STAG1: variants seen among roughly 807,000 people sequenced by gnomAD.
The protein encoded by STAG1 is cohesin subunit SA-1.
Under a neutral mutation model 170.9 loss-of-function variants are expected in STAG1, and 26 were observed. That is an observed-to-expected ratio of 0.15 (90% CI 0.11 to 0.21). The LOEUF (loss-of-function observed/expected upper bound fraction) is 0.21. STAG1 is among the 10% of genes least tolerant of loss of function. The probability of loss-of-function intolerance (pLI) is 1.00; values close to 1 mark genes in which losing one functional copy is unlikely to be tolerated. For missense variants in STAG1, 964 were observed against 1,509.5 expected, an observed-to-expected ratio of 0.64 and a Z score of 5.99; for synonymous variants, 514 against 497.7, an observed-to-expected ratio of 1.03 and a Z score of -0.44.
At chr3:136,502,527 T>A (rs1309000564) in intron 8 of STAG1, 101 bp downstream of exon 8, 1 of 1,256,706 alleles carries the variant, frequency 8.0e-7, no homozygotes, top group East Asian at 2.4e-5. Context: ...TCTAACTAAA[T>A]ATACACATAA....
chr3:136,606,495 T>C (rs1938945835), intron 3 of STAG1, among the ~76,000 whole-genome samples: 1 of 152,174 alleles, frequency 6.6e-6, no homozygotes, highest in Non-Finnish European at 1.5e-5. Context: ...GCCTGATTTT[T>C]CTTACTTCTT....
chr3:136,665,164 C>T (rs1941713455), intron 1 of STAG1, among the ~76,000 whole-genome samples: 1 of 152,108 alleles, frequency 6.6e-6, no homozygotes, highest in African/African-American at 2.4e-5. Context: ...AGAGCATCAC[C>T]CATATTTTTA....
intron 4 of STAG1, among the ~76,000 whole-genome samples, chr3:136,601,324 A>G (rs191240612): frequency 1.3e-5 from 2 of 152,332 alleles, no homozygotes; most frequent in African/African-American, 2.4e-5. Context: ...ACATAAAAAA[A>G]TTACAAACGT....
chr3:136,597,591 C>T (rs1335951081), intron 4 of STAG1, among the ~76,000 whole-genome samples: 1 of 152,118 alleles, frequency 6.6e-6, no homozygotes, highest in East Asian at 1.9e-4. Flanking sequence ...TGAATATGCT[C>T]GTTTCTGATT....
At chr3:136,492,118 A>G (rs760716345) in intron 9 of STAG1, among the ~76,000 whole-genome samples, 38 of 152,250 alleles carry the variant, frequency 2.5e-4, no homozygotes, top group Non-Finnish European at 4.4e-4. Context: ...CAGTACGTGC[A>G]GTAATATCTC....
At chr3:136,647,940 T>C (rs745984163) in intron 1 of STAG1, among the ~76,000 whole-genome samples, 1 of 152,228 alleles carries the variant, frequency 6.6e-6, no homozygotes, top group Non-Finnish European at 1.5e-5. Flanking sequence ...AAGAAATTAT[T>C]GTTGATGTTT....
At chr3:136,685,469 T>C (rs1942486103) in intron 1 of STAG1, among the ~76,000 whole-genome samples, 1 of 152,214 alleles carries the variant, frequency 6.6e-6, no homozygotes. Context: ...CCAGCAACTG[T>C]ACTTCTTAGA....
intron 1 of STAG1, among the ~76,000 whole-genome samples, chr3:136,650,273 TAATAGA>T (rs1941171754): frequency 1.3e-5 from 2 of 149,410 alleles, no homozygotes; most frequent in South Asian, 4.2e-4. Flanking sequence ...GGAAAAATAA[TAATAGA>T]AATAAATATT....
Position 136,424,328 on chromosome 3 carries a change from C to CTT in STAG1, c.1651-1286_1651-1285dup, listed in dbSNP as rs60213699. Among the ~76,000 whole-genome samples the CTT allele has an allele frequency of 4.3e-3, 507 of 117,154 alleles. 14 individuals carry two copies. In the East Asian group the frequency reaches 0.049, roughly 11 times the overall value. The allele number at this position is 117,154 out of a possible 152,430, so 76.9% of individuals were successfully genotyped here. A position where few individuals can be genotyped will look rare whatever the true frequency, so the allele number is the denominator to read the frequency against. On this transcript the variant is annotated intron_variant, in intron 16 of 33. Coordinates refer to ENST00000383202, the MANE Select transcript of STAG1 (RefSeq NM_005862.3). ...AAATGGCTATTTTTGATGGAACGAT[C>CTT]TTTTTTTTTTTTTTTTTTTGAGACG... is the stretch of plus-strand genomic sequence containing the variant.
intron 23 of STAG1, among the ~76,000 whole-genome samples, chr3:136,376,238 C>T (rs1385365634): frequency 6.6e-6 from 1 of 151,956 alleles, no homozygotes; most frequent in Admixed American, 6.6e-5. Context: ...TTTCACCAAA[C>T]GACTCTAGCC....
intron 29 of STAG1, among the ~76,000 whole-genome samples, chr3:136,348,575 T>C (rs1245946038): frequency 2.6e-5 from 4 of 152,034 alleles, no homozygotes; most frequent in Admixed American, 1.3e-4. Flanking sequence ...ATTTAAAATT[T>C]TTTTTTTCTT....
chr3:136,455,278 A>G (rs141492959), intron 13 of STAG1, among the ~76,000 whole-genome samples: 43 of 152,366 alleles, frequency 2.8e-4, no homozygotes, highest in African/African-American at 9.9e-4. Flanking sequence ...TGAATATGCT[A>G]GAACTCTGAA....
At chr3:136,672,037 C>G (rs1321679807) in intron 1 of STAG1, among the ~76,000 whole-genome samples, 2 of 152,146 alleles carry the variant, frequency 1.3e-5, no homozygotes, top group Non-Finnish European at 2.9e-5. Context: ...ATAACCAATC[C>G]ACCAATAAAT....
chr3:136,649,638 A>T (rs904627304), intron 1 of STAG1, among the ~76,000 whole-genome samples: 1 of 151,616 alleles, frequency 6.6e-6, no homozygotes, highest in African/African-American at 2.4e-5. Context: ...ATAACAGGCC[A>T]AGTGCAGTGG....
At chr3:136,711,829 T>C (rs1407258022) in intron 1 of STAG1, among the ~76,000 whole-genome samples, 1 of 151,950 alleles carries the variant, frequency 6.6e-6, no homozygotes, top group Non-Finnish European at 1.5e-5. Context: ...ACCTAAAAAC[T>C]ACACACACAC....
chr3:136,512,736 T>TAAA (rs56227319), intron 7 of STAG1, among the ~76,000 whole-genome samples: 9 of 144,092 alleles, frequency 6.2e-5, no homozygotes, highest in Non-Finnish European at 3.0e-5. Flanking sequence ...TGAGGATCTA[T>TAAA]AAAAAAAAAA....
chr3:136,666,707 C>A (rs1461501019), intron 1 of STAG1, among the ~76,000 whole-genome samples: 1 of 151,768 alleles, frequency 6.6e-6, no homozygotes, highest in African/African-American at 2.4e-5. Flanking sequence ...GTAATCCCAG[C>A]TACTCAGGAG....
In STAG1 at chr3:136,339,311, T is replaced by G. The variant is rs554174614; in HGVS notation, c.3673-861A>C. Among the ~76,000 whole-genome samples the G allele has an allele frequency of 2.6e-5, 4 of 152,160 alleles. No individual in the cohort carries two copies. In the South Asian group the frequency reaches 8.3e-4, roughly 32 times the overall value. ...AATCCCAGGTGGGCGGATCACGAGG[T>G]CAAGAGATCAAGACCATCCTGGCCA... On this transcript the variant is annotated intron_variant, in intron 32 of 33. Transcript: ENST00000383202.
At chr3:136,676,285 G>A (rs1412503795) in intron 1 of STAG1, among the ~76,000 whole-genome samples, 1 of 152,100 alleles carries the variant, frequency 6.6e-6, no homozygotes, top group African/African-American at 2.4e-5. Flanking sequence ...TGAACATTTA[G>A]GCTACACTAA....
Sources: gnomAD v4.1 joint callset for allele counts (sites outside exome capture counted in the v4.1 genomes callset) on GRCh38, gnomAD v4.1.1 for gene constraint, MANE v1.5 for transcripts, NCBI Gene and HGNC (gene_info 2026-07-23, HGNC 2026-07-21) for gene names.